Variants in SEC24B observed in about 807,000 individuals in gnomAD.
The protein encoded by SEC24B is SEC24 homolog B, COPII component, also known as protein transport protein Sec24B.
In SEC24B, 45 loss-of-function variants were observed where a neutral mutation model predicts 142.8. The observed-to-expected ratio is 0.32, with a 90% CI of 0.25 to 0.40. SEC24B has a LOEUF of 0.40. Among genes scored for constraint, SEC24B ranks in the 10% least tolerant of loss-of-function variants. SEC24B has a pLI of 1.00. For missense variants in SEC24B, 1,409 were observed against 1,526.8 expected (o/e 0.92, Z 1.29); for synonymous variants, 574 against 568.2 (o/e 1.01, Z -0.15).
intron 7 of SEC24B, among the ~76,000 whole-genome samples, chr4:109,507,260 C>T (rs1736787296): frequency 6.6e-6 from 1 of 151,462 alleles, no homozygotes. Context: ...CACTGATTCA[C>T]AGAACAACAT....
rs761916683 is a variant in SEC24B at position 109,521,641 on chromosome 4, G to GT, written c.2508+21dup. ...CAAGTACAAAGGTATTTTATGTTTA[G>GT]TTTTTTGTCATATTCAAGATTGTGT... On this transcript the variant is annotated intron_variant, in intron 14 of 23. Coordinates refer to ENST00000265175, the MANE Select transcript of SEC24B (RefSeq NM_006323.5). 2.1e-5 allele frequency: 32 copies of GT among 1,558,070 alleles called. No individual in the cohort carries two copies. Among genetic ancestry groups the GT allele is most frequent in the Admixed American group, 5.2e-5 (3 of 57,996 alleles).
chr4:109,482,724 C>T (rs189575227), intron 4 of SEC24B, among the ~76,000 whole-genome samples: 22 of 150,646 alleles, frequency 1.5e-4, no homozygotes, highest in Non-Finnish European at 3.0e-4. Context: ...TGCCAACCTT[C>T]GCCTCCCAGG....
intron 1 of SEC24B, among the ~76,000 whole-genome samples, chr4:109,442,161 G>A (rs1170380143): frequency 1.3e-5 from 2 of 152,146 alleles, no homozygotes; most frequent in Non-Finnish European, 2.9e-5. Context: ...TTGGCAGGGA[G>A]AGTATATTAA....
chr4:109,537,633 AC>A (rs998652412), intron 22 of SEC24B, among the ~76,000 whole-genome samples: 38 of 152,170 alleles, frequency 2.5e-4, no homozygotes, highest in African/African-American at 9.2e-4. Context: ...AGTCTGGGCA[AC>A]CTAGCAAGAC....
chr4:109,497,747 G>A (rs1349814562), intron 6 of SEC24B, among the ~76,000 whole-genome samples: 1 of 152,036 alleles, frequency 6.6e-6, no homozygotes, highest in Non-Finnish European at 1.5e-5. Context: ...TCCAGTGTGG[G>A]GCCATTATGA....
In SEC24B at chr4:109,530,380, T is replaced by G; in HGVS notation, c.3168T>G (p.Thr1056=). The change falls in exon 19 of 24, where the codon ACT becomes ACG. Residue 1056 remains threonine, a synonymous_variant. Transcript: ENST00000265175. ...ACTCATTGTCTGCATATGGCTCAAC[T>G]GTCTCAAATTTACAGCACTCTGCAT... is the stretch of plus-strand genomic sequence containing the variant. The part of the protein sequence containing the change: ...VVDSLSAYGS[T]VSNLQHSALM... 1 of 1,614,156 alleles carries G rather than the reference T, an allele frequency of 6.2e-7. No homozygotes were observed. Among genetic ancestry groups the G allele is most frequent in the South Asian group, 1.1e-5 (1 of 91,084 alleles).
chr4:109,498,243 G>T (rs1578903774), intron 6 of SEC24B, among the ~76,000 whole-genome samples: 1 of 152,302 alleles, frequency 6.6e-6, no homozygotes. Context: ...TTTAGGGTCA[G>T]TGAACAGTAA....
chr4:109,537,825 CAT>C (rs1725726328), intron 22 of SEC24B, among the ~76,000 whole-genome samples: 1 of 152,098 alleles, frequency 6.6e-6, no homozygotes, highest in Non-Finnish European at 1.5e-5. Context: ...GAATTACAAA[CAT>C]AATTATTCCA....
chr4:109,466,801 C>T (rs1731943582), intron 2 of SEC24B, among the ~76,000 whole-genome samples: 1 of 152,182 alleles, frequency 6.6e-6, no homozygotes, highest in Admixed American at 6.5e-5. Flanking sequence ...TTCAGATATA[C>T]TAAAAGTCCT....
chr4:109,481,907 T>G (rs1325804938), intron 4 of SEC24B, 126 bp downstream of exon 4: 1 of 630,664 alleles, frequency 1.6e-6, no homozygotes, highest in Non-Finnish European at 2.7e-6. Flanking sequence ...TTACGAGGTT[T>G]GCATTATAGA....
At position 109,539,880 on chromosome 4, in the gene SEC24B, C is replaced by A; in HGVS notation, c.*205C>A. 1.8e-6 allele frequency: 1 copy of A among 543,322 alleles called. No individual in the cohort carries two copies. The highest frequency in any genetic ancestry group is 3.5e-5 in the Admixed American group (1 of 28,726). The allele number at this position is 543,322 out of a possible 1,614,324, so 33.7% of individuals were successfully genotyped here. On this transcript the variant is annotated 3_prime_UTR_variant, in exon 24 of 24. Coordinates refer to ENST00000265175, the MANE Select transcript of SEC24B (RefSeq NM_006323.5). The stretch of plus-strand genomic sequence containing the variant: ...ACTCAAATTAATGGTAACGATGATG[C>A]TGTTTCACCAAGTATATTTTGAATT...
chr4:109,434,174 A>G (rs1361316894), intron 1 of SEC24B, among the ~76,000 whole-genome samples, 172 bp downstream of exon 1: 1 of 84,232 alleles, frequency 1.2e-5, no homozygotes, highest in African/African-American at 4.6e-5. Flanking sequence ...GGGTGCGGGT[A>G]GGGGGCAGGG....
At chr4:109,439,710 A>G (rs1728758963) in intron 1 of SEC24B, among the ~76,000 whole-genome samples, 1 of 150,038 alleles carries the variant, frequency 6.7e-6, no homozygotes, top group South Asian at 2.1e-4. Flanking sequence ...TATATTGATC[A>G]GGCTGGTCTT....
rs1333773793 is a variant in SEC24B at position 109,506,470 on chromosome 4, C to G, written c.1631C>G (p.Pro544Arg). 6.3e-7 allele frequency: 1 copy of G among 1,598,724 alleles called. No homozygotes were observed. The highest frequency in any genetic ancestry group is 8.5e-7 in the Non-Finnish European group (1 of 1,173,302). The change falls in exon 7 of 24, where the codon CCT (proline) becomes CGT (arginine). Residue 544 changes from proline (P) to arginine (R), a missense_variant. Physicochemically the swap from Pro to Arg is moderately radical, Grantham distance 103 (BLOSUM62 -2). This residue lies in a region of SEC24B where 709 missense variants were observed against 673.5 expected (regional missense o/e 1.05). Transcript: ENST00000265175. ...ATGACTCCTGTTTGGGCTCCTGTACCTAACTTGAATGCAGACCTCAAAAAA... is the reference window on the plus strand; with the variant it reads ...ATGACTCCTGTTTGGGCTCCTGTACGTAACTTGAATGCAGACCTCAAAAAA... ...LPMTPVWAPV[P>R]NLNADLKKLN...
intron 22 of SEC24B, among the ~76,000 whole-genome samples, chr4:109,535,407 T>C (rs1725412854): frequency 6.8e-6 from 1 of 146,140 alleles, no homozygotes. Flanking sequence ...ACAAAAAAAA[T>C]TAGCCAGGCA....
chr4:109,532,586 A>G (rs1725046073), intron 20 of SEC24B, 53 bp from the exon 21 acceptor site: 2 of 1,376,592 alleles, frequency 1.5e-6, no homozygotes, highest in Middle Eastern at 1.8e-4. Flanking sequence ...TTAGCTCCCA[A>G]ACTGTGATGA....
intron 6 of SEC24B, among the ~76,000 whole-genome samples, chr4:109,505,735 T>G (rs1435932999): frequency 6.6e-6 from 1 of 152,266 alleles, no homozygotes; most frequent in Middle Eastern, 3.4e-3. Flanking sequence ...GAGTATAAAA[T>G]AGTGTGTAAG....
In SEC24B at chr4:109,521,486, C is replaced by G. The variant is rs1201404096; in HGVS notation, c.2368C>G (p.Leu790Val). 1 of 1,614,130 alleles carries G rather than the reference C, an allele frequency of 6.2e-7. No homozygotes were observed. Among genetic ancestry groups the G allele is most frequent in the East Asian group, 2.2e-5 (1 of 44,886 alleles). Reference sequence around the variant, plus strand: ...CAATACAAGAGAAACACACAGTGCCCTTGGTCCTGCACTTCAGGCTGCCTT... The same window carrying G: ...CAATACAAGAGAAACACACAGTGCCGTTGGTCCTGCACTTCAGGCTGCCTT... ...FTNTRETHSA[L>V]GPALQAAFKL... Residue 790 changes from leucine to valine, a missense_variant, in exon 14 of 24, where the codon CTT (leucine) becomes GTT (valine). This residue lies in a region of SEC24B where 700 missense variants were observed against 853.3 expected (regional missense o/e 0.82). Transcript: ENST00000265175.
chr4:109,437,846 A>G (rs140036441), intron 1 of SEC24B, among the ~76,000 whole-genome samples: 2,379 of 152,216 alleles, frequency 0.016, 67 homozygotes, highest in African/African-American at 0.054. Flanking sequence ...GATGGTCTCC[A>G]TCTCCTGACC....
Sources: allele counts gnomAD v4.1 joint callset (sites outside exome capture counted in the v4.1 genomes callset), GRCh38; gene constraint gnomAD v4.1.1; regional missense constraint gnomAD v4.1.1; transcripts MANE v1.5; gene names NCBI Gene and HGNC (gene_info 2026-07-23, HGNC 2026-07-21).